The following ENTREP2 variants were observed in gnomAD, a reference collection of about 807,000 sequenced individuals.
ENTREP2 encodes endosomal transmembrane epsin interactor 2.
chr15:29,327,068 A>C, the ENTREP2 span, among the ~76,000 whole-genome samples: 1 of 152,170 alleles, frequency 6.6e-6, no homozygotes, highest in Admixed American at 6.5e-5. Flanking sequence ...ATTATATCAA[A>C]AGGGATCATG....
At chr15:29,373,015 A>T in the ENTREP2 span, among the ~76,000 whole-genome samples, 3 of 152,202 alleles carry the variant, frequency 2.0e-5, no homozygotes, top group African/African-American at 7.2e-5. Context: ...AAACAGGTGA[A>T]TAATTTCAGA....
the ENTREP2 span, among the ~76,000 whole-genome samples, chr15:29,475,005 T>A: frequency 6.6e-6 from 1 of 152,264 alleles, no homozygotes; most frequent in South Asian, 2.1e-4. Context: ...AACATTTTTA[T>A]CCTGCAGAAA....
At chr15:29,538,532 C>T in the ENTREP2 span, among the ~76,000 whole-genome samples, 3 of 151,234 alleles carry the variant, frequency 2.0e-5, no homozygotes, top group Admixed American at 1.3e-4. Flanking sequence ...CAGTGGCTCA[C>T]GCTTGTAATC....
the ENTREP2 span, among the ~76,000 whole-genome samples, chr15:29,482,520 G>A: frequency 6.6e-6 from 1 of 151,994 alleles, no homozygotes; most frequent in African/African-American, 2.4e-5. Flanking sequence ...CAAACCTCTG[G>A]CAACCACTGT....
At chr15:29,447,417 T>C in the ENTREP2 span, among the ~76,000 whole-genome samples, 2 of 152,316 alleles carry the variant, frequency 1.3e-5, no homozygotes, top group Admixed American at 6.5e-5. Context: ...GCTTCCCAGC[T>C]CCTGTGTGTC....
chr15:29,204,178 G>A, the ENTREP2 span, among the ~76,000 whole-genome samples: 3 of 152,118 alleles, frequency 2.0e-5, no homozygotes, highest in Admixed American at 6.6e-5. Flanking sequence ...CATTGGGAAC[G>A]ACACCGCAGA....
At chr15:29,598,784 C>T in the ENTREP2 span, among the ~76,000 whole-genome samples, 2 of 152,158 alleles carry the variant, frequency 1.3e-5, no homozygotes, top group African/African-American at 4.8e-5. Flanking sequence ...GCAAGCTTCA[C>T]CTCTCAGGTT....
At chr15:29,445,825 C>G in the ENTREP2 span, among the ~76,000 whole-genome samples, 103,527 of 151,998 alleles carry the variant, frequency 0.68, 35,434 homozygotes, top group African/African-American at 0.77. Flanking sequence ...TTTGCAACTG[C>G]CATCTAGAGT....
At chr15:29,619,981 C>T in the ENTREP2 span, among the ~76,000 whole-genome samples, 1 of 152,100 alleles carries the variant, frequency 6.6e-6, no homozygotes, top group Admixed American at 6.5e-5. Flanking sequence ...ATCTCAGTCC[C>T]AGTGAGTGGT....
At chr15:29,546,435 TA>T in the ENTREP2 span, among the ~76,000 whole-genome samples, 3 of 151,454 alleles carry the variant, frequency 2.0e-5, no homozygotes, top group East Asian at 5.8e-4. Flanking sequence ...AGATAGGTAA[TA>T]GGGGTAAAAA....
At chr15:29,274,311 G>T in the ENTREP2 span, among the ~76,000 whole-genome samples, 1 of 152,208 alleles carries the variant, frequency 6.6e-6, no homozygotes, top group Non-Finnish European at 1.5e-5. Flanking sequence ...AACTGTCACA[G>T]GAGAAGATTA....
chr15:29,532,784 T>C, the ENTREP2 span, among the ~76,000 whole-genome samples: 1 of 152,200 alleles, frequency 6.6e-6, no homozygotes, highest in African/African-American at 2.4e-5. Context: ...TTTTAAAATC[T>C]ACAAAACCTG....
chr15:29,548,626 A>C, the ENTREP2 span, among the ~76,000 whole-genome samples: 1 of 152,288 alleles, frequency 6.6e-6, no homozygotes, highest in East Asian at 1.9e-4. Context: ...AACAAGACAT[A>C]TTCTAGTAAA....
the ENTREP2 span, among the ~76,000 whole-genome samples, chr15:29,423,775 G>A: frequency 6.6e-6 from 1 of 152,014 alleles, no homozygotes; most frequent in Admixed American, 6.6e-5. Flanking sequence ...TCCAACCTGG[G>A]CGACAGCGAG....
At chr15:29,387,790 G>A in the ENTREP2 span, among the ~76,000 whole-genome samples, 2 of 152,156 alleles carry the variant, frequency 1.3e-5, no homozygotes, top group Non-Finnish European at 2.9e-5. Context: ...CAATGGAACA[G>A]AACAGAGCCC....
the ENTREP2 span, among the ~76,000 whole-genome samples, chr15:29,370,923 A>T: frequency 4.3e-4 from 64 of 149,446 alleles, no homozygotes; most frequent in Admixed American, 1.7e-3. Flanking sequence ...GAACAGATTT[A>T]AAAAAAAAAC....
At chr15:29,662,650 T>C in the ENTREP2 span, among the ~76,000 whole-genome samples, 32,001 of 152,038 alleles carry the variant, frequency 0.21, 5,815 homozygotes, top group African/African-American at 0.5. Flanking sequence ...CTCTGTCTGC[T>C]GGCTCTCTGC....
At chr15:29,225,713 G>A in the ENTREP2 span, among the ~76,000 whole-genome samples, 2 of 152,172 alleles carry the variant, frequency 1.3e-5, no homozygotes, top group South Asian at 2.1e-4. Context: ...CCACGGAACC[G>A]GGGGACACAT....
the ENTREP2 span, among the ~76,000 whole-genome samples, chr15:29,168,214 A>G: frequency 6.6e-6 from 1 of 152,218 alleles, no homozygotes; most frequent in African/African-American, 2.4e-5. Flanking sequence ...AAGACTACAA[A>G]TAGGGTGCAG....
Sources: allele counts gnomAD v4.1 joint callset (sites outside exome capture counted in the v4.1 genomes callset), GRCh38; gene constraint gnomAD v4.1.1; transcripts MANE v1.5; gene names NCBI Gene and HGNC (gene_info 2026-07-23, HGNC 2026-07-21).